The following MYO9A variants were observed in gnomAD, a reference collection of about 807,000 sequenced individuals.
MYO9A encodes unconventional myosin-IXa.
A neutral mutation model predicts 293.3 loss-of-function variants in MYO9A; 103 were observed. The ratio of observed to expected loss-of-function variants is 0.35; its 90% CI spans 0.30 to 0.41. The LOEUF is 0.41. Among genes scored for constraint, MYO9A ranks in the 10% least tolerant of loss-of-function variants. The pLI is 1.00. For synonymous variants in MYO9A, 1,001 were observed against 1,035.7 expected, an observed-to-expected ratio of 0.97 and a Z score of 0.64; for missense variants, 2,685 against 3,033.0, an observed-to-expected ratio of 0.89 and a Z score of 2.69.
At chr15:71,997,427 C>T (rs2076729779) in intron 9 of MYO9A, among the ~76,000 whole-genome samples, 1 of 152,004 alleles carries the variant, frequency 6.6e-6, no homozygotes, top group African/African-American at 2.4e-5. Context: ...GGTGAAACCC[C>T]ATCTCTACTA....
intron 1 of MYO9A, among the ~76,000 whole-genome samples, chr15:72,092,706 C>T (rs1024769423): frequency 2.0e-5 from 3 of 152,130 alleles, no homozygotes; most frequent in African/African-American, 7.2e-5. Context: ...AACCAGTGAG[C>T]ATGGATGTAT....
At chr15:71,888,728 G>A (rs1358116807) in intron 26 of MYO9A, 3 of 152,154 alleles carry the variant, frequency 2.0e-5, no homozygotes, top group Non-Finnish European at 4.4e-5. Flanking sequence ...AGACAATCCT[G>A]TTCTGAGGAG....
intron 14 of MYO9A, among the ~76,000 whole-genome samples, chr15:71,953,890 T>TTTGTC (rs1401980583): frequency 2.0e-5 from 3 of 151,582 alleles, no homozygotes; most frequent in Admixed American, 6.6e-5. Flanking sequence ...TTTGTTTTGT[T>TTTGTC]TTGTTTTGTT....
Position 71,898,236 on chromosome 15 carries a change from T to C in MYO9A, c.4267A>G (p.Ile1423Val), listed in dbSNP as rs751153797. The C allele has an allele frequency of 6.2e-7, 1 of 1,614,038 alleles. No individual in the cohort carries two copies. The highest frequency in any genetic ancestry group is 2.2e-5 in the East Asian group (1 of 44,884). The change falls in exon 25 of 42, where the codon ATC becomes GTC. Residue 1423 changes from isoleucine to valine, a missense_variant. Around this residue, in one of 10 missense-constraint regions of MYO9A, gnomAD observed 1,434 missense variants for 1,497.7 expected, o/e 0.96. Transcript: ENST00000356056. ...ISNSLPTFFY[I>V]PQQDPLKTNS... is the part of the protein sequence containing the mutation. ...GTTTTCAGTGGGTCTTGTTGGGGGA[T>C]ATAAAAAAAAGTAGGTAGACTATTT... is the stretch of plus-strand genomic sequence containing the variant.
intron 17 of MYO9A, among the ~76,000 whole-genome samples, chr15:71,934,255 G>A (rs559291222): frequency 2.0e-5 from 3 of 151,202 alleles, no homozygotes; most frequent in South Asian, 2.1e-4. Flanking sequence ...AAAGTCCAAC[G>A]CTTATGAATA....
chr15:71,897,687 C>G lies in MYO9A; in HGVS notation c.4816G>C (p.Glu1606Gln). ...PKDRPVTVFFERKGSPCQSST... is the reference protein window; with the variant it reads ...PKDRPVTVFFQRKGSPCQSST... ...GATTGGCATGGACTTCCTTTTCTTTCAAAGAACACGGTGACAGGTCGGTCC... is the reference window on the plus strand; with the variant it reads ...GATTGGCATGGACTTCCTTTTCTTTGAAAGAACACGGTGACAGGTCGGTCC... The change falls in exon 25 of 42, where the codon GAA (glutamate) becomes CAA (glutamine). Residue 1606 changes from glutamate to glutamine, a missense_variant. Physicochemically the swap from Glu to Gln is conservative, Grantham distance 29. Transcript: ENST00000356056. 6.2e-7 allele frequency: 1 copy of G among 1,614,086 alleles called. No homozygotes were observed. The highest frequency in any genetic ancestry group is 8.5e-7 in the Non-Finnish European group (1 of 1,180,016).
chr15:72,088,020 G>GAA (rs951758459), intron 1 of MYO9A, among the ~76,000 whole-genome samples: 3 of 152,166 alleles, frequency 2.0e-5, no homozygotes, highest in Admixed American at 1.3e-4. Context: ...AGAGATGTCA[G>GAA]GGATGTGTGC....
intron 18 of MYO9A, among the ~76,000 whole-genome samples, chr15:71,925,326 TATATAC>T (rs1434509319): frequency 6.0e-4 from 14 of 23,498 alleles, no homozygotes; most frequent in Admixed American, 2.1e-3. Context: ...TATATGTACA[TATATAC>T]GTATATGTAC....
At position 71,825,548 on chromosome 15, in the gene MYO9A, A is replaced by T. The variant is rs2054446283; in HGVS notation, c.*1032T>A. The T allele has an allele frequency of 6.6e-6, 1 of 152,226 alleles. No homozygotes were observed. The highest frequency in any genetic ancestry group is 1.5e-5 in the Non-Finnish European group (1 of 68,026). The allele number at this position is 152,226 out of a possible 1,614,324, so 9.4% of individuals were successfully genotyped here. ...AGCTTTCTGTAACACTTACTTACTT[A>T]TTCATGCAATATTGTATGTGAATGT... On this transcript the variant is annotated 3_prime_UTR_variant, in exon 42 of 42. Transcript: ENST00000356056.
intron 34 of MYO9A, among the ~76,000 whole-genome samples, chr15:71,858,305 C>T (rs1200145161): frequency 6.6e-6 from 1 of 151,962 alleles, no homozygotes; most frequent in African/African-American, 2.4e-5. Flanking sequence ...GACACATGCA[C>T]ACATATGTTT....
At chr15:71,920,882 C>T (rs535799291) in intron 18 of MYO9A, among the ~76,000 whole-genome samples, 1 of 152,160 alleles carries the variant, frequency 6.6e-6, no homozygotes, top group African/African-American at 2.4e-5. Flanking sequence ...AAGAGGCAAG[C>T]GGTCAGCAAA....
intron 12 of MYO9A, among the ~76,000 whole-genome samples, chr15:71,973,741 C>T (rs367818573): frequency 6.6e-6 from 1 of 152,140 alleles, no homozygotes; most frequent in African/African-American, 2.4e-5. Context: ...TATCTACTTA[C>T]GAGGTTACAG....
At chr15:71,871,026 G>A (rs2056495113) in intron 32 of MYO9A, among the ~76,000 whole-genome samples, 1 of 152,120 alleles carries the variant, frequency 6.6e-6, no homozygotes, top group Middle Eastern at 3.2e-3. Flanking sequence ...ACTCGATCTT[G>A]AGACTAAAAT....
intron 1 of MYO9A, among the ~76,000 whole-genome samples, chr15:72,080,046 C>A (rs1429323188): frequency 6.6e-6 from 1 of 152,150 alleles, no homozygotes; most frequent in Non-Finnish European, 1.5e-5. Context: ...GTCTGTAATG[C>A]CATCCCTACA....
chr15:72,090,475 C>G (rs760201794), intron 1 of MYO9A, among the ~76,000 whole-genome samples: 1 of 152,172 alleles, frequency 6.6e-6, no homozygotes. Context: ...ATCAGCCTAA[C>G]AACCTATAAA....
At chr15:72,037,863 G>A (rs925497347) in intron 2 of MYO9A, among the ~76,000 whole-genome samples, 9 of 150,702 alleles carry the variant, frequency 6.0e-5, no homozygotes, top group African/African-American at 2.0e-4. Flanking sequence ...AACAGCAACC[G>A]TTCCTGATAA....
In MYO9A at chr15:71,825,334, A is replaced by G. The variant is rs371959245; in HGVS notation, c.*1246T>C. The G allele has an allele frequency of 1.3e-5, 2 of 152,324 alleles. No homozygotes were observed. Among genetic ancestry groups the G allele is most frequent in the East Asian group, 1.9e-4 (1 of 5,184 alleles). 9.4% of individuals were successfully genotyped at this position (152,324 alleles called of 1,614,324 possible). ...ATTCCATGGGAAGGAGGGAAGCACAAGGTTAAAAAGAAATATGCCTACTAT... is the reference window on the plus strand; with the variant it reads ...ATTCCATGGGAAGGAGGGAAGCACAGGGTTAAAAAGAAATATGCCTACTAT... On this transcript the variant is annotated 3_prime_UTR_variant, in exon 42 of 42. Coordinates refer to ENST00000356056, the MANE Select transcript of MYO9A (RefSeq NM_006901.4).
At position 71,898,008 on chromosome 15, in the gene MYO9A, C is replaced by T. The variant is rs553157715; in HGVS notation, c.4495G>A (p.Glu1499Lys). The T allele has an allele frequency of 6.2e-7, 1 of 1,614,098 alleles. No homozygotes were observed. Among genetic ancestry groups the T allele is most frequent in the African/African-American group, 1.3e-5 (1 of 75,024 alleles). The part of the protein sequence containing the change: ...KLEKLNTEKE[E>K]RQKQLQQQNE... ...TGTTGCTGCAACTGTTTTTGCCTTT[C>T]TTCCTTCTCAGTGTTTAGCTTTTCT... The change falls in exon 25 of 42, where the codon GAA (glutamate) becomes AAA (lysine). Residue 1499 changes from glutamate to lysine, a missense_variant. By Grantham distance (56) the Glu-to-Lys change is moderately conservative. Around this residue, in one of 10 missense-constraint regions of MYO9A, gnomAD observed 1,434 missense variants for 1,497.7 expected, o/e 0.96. Coordinates refer to ENST00000356056, the MANE Select transcript of MYO9A (RefSeq NM_006901.4).
chr15:71,849,118 G>T, intron 38 of MYO9A, 150 bp from the exon 39 acceptor site: 1 of 804,414 alleles, frequency 1.2e-6, no homozygotes, highest in Non-Finnish European at 1.8e-6. Flanking sequence ...GTTTAGAATG[G>T]TGGTTCACAA....
Sources: allele counts gnomAD v4.1 joint callset (sites outside exome capture counted in the v4.1 genomes callset), GRCh38; gene constraint gnomAD v4.1.1; regional missense constraint gnomAD v4.1.1; transcripts MANE v1.5; gene names NCBI Gene and HGNC (gene_info 2026-07-23, HGNC 2026-07-21).